The following SLIT3 variants were observed in gnomAD, a reference collection of about 807,000 sequenced individuals.
The protein encoded by SLIT3 is slit guidance ligand 3, also known as slit homolog 3 protein.
In SLIT3, 68 loss-of-function variants were observed where a neutral mutation model predicts 184.0. That is an observed-to-expected ratio of 0.37 (90% CI 0.30 to 0.45). The LOEUF is 0.45. SLIT3 is among the 20% of genes least tolerant of loss of function. The pLI, the probability that SLIT3 is intolerant of heterozygous loss-of-function variation, is 1.00. For missense variants in SLIT3, 1,707 were observed against 2,026.0 expected, an observed-to-expected ratio of 0.84 and a Z score of 3.02; for synonymous variants, 831 against 828.6, an observed-to-expected ratio of 1.00 and a Z score of -0.05.
chr5:168,822,239 C>T (rs767808732), intron 7 of SLIT3, among the ~76,000 whole-genome samples: 5 of 152,128 alleles, frequency 3.3e-5, no homozygotes, highest in Non-Finnish European at 5.9e-5. Context: ...GATTTCTGAT[C>T]GTGTGATAAT....
chr5:168,869,489 G>C (rs115745887), intron 5 of SLIT3, among the ~76,000 whole-genome samples: 1,783 of 152,276 alleles, frequency 0.012, 28 homozygotes, highest in African/African-American at 0.04. Context: ...TTTGACAAAA[G>C]CTTATTGCCT....
chr5:168,914,101 G>C (rs537770957), intron 4 of SLIT3, among the ~76,000 whole-genome samples: 1 of 152,102 alleles, frequency 6.6e-6, no homozygotes, highest in Non-Finnish European at 1.5e-5. Flanking sequence ...GGTTGCTTCC[G>C]GTTTTCTATG....
intron 4 of SLIT3, among the ~76,000 whole-genome samples, chr5:168,970,430 G>T (rs1754531336): frequency 1.3e-5 from 2 of 151,856 alleles, no homozygotes; most frequent in African/African-American, 4.8e-5. Context: ...CGCAGGCGGA[G>T]GTTGCAGTGA....
At chr5:169,112,143 T>G (rs545077421) in intron 4 of SLIT3, among the ~76,000 whole-genome samples, 1 of 152,286 alleles carries the variant, frequency 6.6e-6, no homozygotes, top group East Asian at 1.9e-4. Flanking sequence ...TGTTACAAAG[T>G]AGATGCCCCA....
chr5:169,078,580 C>G (rs1223582826), intron 4 of SLIT3, among the ~76,000 whole-genome samples: 2 of 152,180 alleles, frequency 1.3e-5, no homozygotes. Context: ...CCTTGTTACT[C>G]TCCAGCTTCT....
At chr5:168,910,789 C>T (rs1334657680) in intron 4 of SLIT3, among the ~76,000 whole-genome samples, 2 of 151,592 alleles carry the variant, frequency 1.3e-5, no homozygotes, top group African/African-American at 4.9e-5. Context: ...ATCACAATTG[C>T]AAAGTGAGAT....
At chr5:168,751,375 C>G (rs768964752) in intron 18 of SLIT3, among the ~76,000 whole-genome samples, 1 of 152,202 alleles carries the variant, frequency 6.6e-6, no homozygotes, top group East Asian at 1.9e-4. Context: ...CATGGAAATA[C>G]GACGAGCAGC....
intron 4 of SLIT3, chr5:169,023,928 G>C (rs1195050520): frequency 6.6e-6 from 1 of 152,180 alleles, no homozygotes; most frequent in Non-Finnish European, 1.5e-5. Flanking sequence ...CTTCCCAGTG[G>C]AAACATTCGC....
intron 4 of SLIT3, among the ~76,000 whole-genome samples, chr5:169,113,658 CT>C (rs869209479): frequency 1.5e-3 from 197 of 131,328 alleles, no homozygotes; most frequent in South Asian, 3.0e-3. Flanking sequence ...TTTTCTTTTT[CT>C]TTTTTTTTTT....
At chr5:168,783,493 A>G (rs572354674) in intron 12 of SLIT3, among the ~76,000 whole-genome samples, 2 of 152,300 alleles carry the variant, frequency 1.3e-5, no homozygotes, top group South Asian at 4.1e-4. Context: ...GCATCACAGC[A>G]AGTGCTAGAA....
intron 1 of SLIT3, among the ~76,000 whole-genome samples, chr5:169,271,944 G>A (rs143784590): frequency 1.5e-4 from 23 of 152,322 alleles, no homozygotes; most frequent in African/African-American, 5.3e-4. Context: ...CTCGTAATGG[G>A]CAAATGAGCA....
At chr5:168,737,088 T>C (rs558668063) in intron 20 of SLIT3, among the ~76,000 whole-genome samples, 1 of 152,272 alleles carries the variant, frequency 6.6e-6, no homozygotes, top group African/African-American at 2.4e-5. Flanking sequence ...CATTCTTGCT[T>C]GCTTTCTTAA....
intron 4 of SLIT3, among the ~76,000 whole-genome samples, chr5:169,052,807 A>G (rs1188823053): frequency 1.3e-5 from 2 of 152,202 alleles, no homozygotes; most frequent in African/African-American, 4.8e-5. Flanking sequence ...CACTGCTGAA[A>G]TACTGCATCA....
intron 4 of SLIT3, among the ~76,000 whole-genome samples, chr5:168,982,128 A>G (rs749249166): frequency 1.3e-5 from 2 of 152,192 alleles, no homozygotes; most frequent in African/African-American, 2.4e-5. Context: ...ATGTAATTTT[A>G]TGCCTGTGTA....
chr5:168,970,511 A>C (rs1319040385), intron 4 of SLIT3, among the ~76,000 whole-genome samples: 4 of 151,850 alleles, frequency 2.6e-5, no homozygotes, highest in Non-Finnish European at 4.4e-5. Flanking sequence ...AAAAAAAAAA[A>C]AAAACAAAGA....
At chr5:168,689,583 C>T (rs936288019) in intron 29 of SLIT3, among the ~76,000 whole-genome samples, 4 of 152,218 alleles carry the variant, frequency 2.6e-5, no homozygotes, top group African/African-American at 9.6e-5. Flanking sequence ...TACACCTTGC[C>T]TGACAAAGAA....
At chr5:168,688,151 C>T (rs1761802811) in intron 29 of SLIT3, among the ~76,000 whole-genome samples, 3 of 152,354 alleles carry the variant, frequency 2.0e-5, no homozygotes, top group South Asian at 2.1e-4. Context: ...GGCTTAGGTG[C>T]ACCCACAGGC....
chr5:168,670,568 G>A (rs1158338074), intron 34 of SLIT3, among the ~76,000 whole-genome samples: 2 of 152,300 alleles, frequency 1.3e-5, no homozygotes, highest in African/African-American at 4.8e-5. Context: ...GTATTATAGA[G>A]TCAAACACAC....
At chr5:169,189,515 T>G (rs946083325) in intron 4 of SLIT3, among the ~76,000 whole-genome samples, 2 of 130,640 alleles carry the variant, frequency 1.5e-5, no homozygotes, top group Non-Finnish European at 3.2e-5. Flanking sequence ...GTACTGCTTC[T>G]TAGATAGATG....
Sources: allele counts gnomAD v4.1 joint callset (sites outside exome capture counted in the v4.1 genomes callset), GRCh38; gene constraint gnomAD v4.1.1; transcripts MANE v1.5; gene names NCBI Gene and HGNC (gene_info 2026-07-23, HGNC 2026-07-21).